MPHOSPH6: variants seen among roughly 807,000 people sequenced by gnomAD.
MPHOSPH6 encodes the protein M-phase phosphoprotein 6.
A neutral mutation model predicts 21.8 loss-of-function variants in MPHOSPH6; 25 were observed. The ratio of observed to expected loss-of-function variants is 1.15; its 90% CI spans 0.83 to 1.60. The LOEUF is 1.60. MPHOSPH6 is among the 40% of genes most tolerant of loss of function. MPHOSPH6 has a pLI of 0.00. For synonymous variants in MPHOSPH6, 84 were observed against 56.5 expected (o/e 1.49, Z -2.18); for missense variants, 269 against 181.8 (o/e 1.48, Z -2.76).
Position 82,166,867 on chromosome 16 carries a change from C to T in MPHOSPH6, c.52-2673G>A, listed in dbSNP as rs1190468881. Among the ~76,000 whole-genome samples the T allele has an allele frequency of 2.0e-5, 3 of 152,106 alleles. No homozygotes were observed. The South Asian group carries it at 6.2e-4, about 32-fold the overall frequency. On this transcript the variant is annotated intron_variant, in intron 1 of 4. Transcript: ENST00000258169. ...CAGCCATATACATATGTTCTGTACA[C>T]ATAGAAAGGACAGAACTCCCTGTGA...
At chr16:82,167,765 G>A (rs7205100) in intron 1 of MPHOSPH6, among the ~76,000 whole-genome samples, 69,672 of 151,804 alleles carry the variant, frequency 0.46, 19,173 homozygotes, top group Non-Finnish European at 0.62. Context: ...GGTAATGCAA[G>A]CTATGGGGAA....
intron 1 of MPHOSPH6, among the ~76,000 whole-genome samples, chr16:82,166,190 T>C (rs1906773409): frequency 6.6e-6 from 1 of 152,200 alleles, no homozygotes; most frequent in African/African-American, 2.4e-5. Flanking sequence ...CCTGTACACT[T>C]TTTGCAACTT....
chr16:82,161,401 T>C (rs930286734), intron 2 of MPHOSPH6, among the ~76,000 whole-genome samples: 2 of 152,186 alleles, frequency 1.3e-5, no homozygotes, highest in Non-Finnish European at 2.9e-5. Flanking sequence ...AACACAAGTA[T>C]AAGATGTACA....
intron 2 of MPHOSPH6, among the ~76,000 whole-genome samples, chr16:82,156,667 C>T (rs1048445144): frequency 2.0e-5 from 3 of 152,124 alleles, no homozygotes; most frequent in African/African-American, 7.2e-5. Flanking sequence ...ATAGAACAAA[C>T]TAGTCTGAAA....
chr16:82,159,151 CCAATA>C (rs1906527123), intron 2 of MPHOSPH6, among the ~76,000 whole-genome samples: 1 of 152,216 alleles, frequency 6.6e-6, no homozygotes, highest in East Asian at 1.9e-4. Context: ...TATACTTCAA[CCAATA>C]CAACATGCTT....
intron 2 of MPHOSPH6, 162 bp downstream of exon 2, chr16:82,163,920 C>T (rs1460503276): frequency 1.8e-6 from 1 of 550,872 alleles, no homozygotes; most frequent in African/African-American, 1.9e-5. Context: ...AATCCATGTA[C>T]AACTTCTATA....
At chr16:82,156,306 C>A (rs933048756) in intron 2 of MPHOSPH6, among the ~76,000 whole-genome samples, 3 of 152,126 alleles carry the variant, frequency 2.0e-5, no homozygotes, top group African/African-American at 7.2e-5. Context: ...TAATGATGTG[C>A]ATGCTGCAAT....
At chr16:82,168,618 G>A (rs567641958) in intron 1 of MPHOSPH6, among the ~76,000 whole-genome samples, 17 of 152,076 alleles carry the variant, frequency 1.1e-4, no homozygotes, top group South Asian at 4.2e-4. Flanking sequence ...CTAAAGGTGC[G>A]TGCCACTAGG....
rs534792097 is a variant in MPHOSPH6 at position 82,158,473 on chromosome 16, T to G, written c.164+5609A>C. ...GAGATCTCGCCACTGCACTCCAGCC[T>G]GGGTGACAGAGCGAGACTCCGTCTC... On this transcript the variant is annotated intron_variant, in intron 2 of 4. Coordinates refer to ENST00000258169, the MANE Select transcript of MPHOSPH6 (RefSeq NM_005792.2). Among the ~76,000 whole-genome samples, 425 of 124,222 alleles carry G rather than the reference T, an allele frequency of 3.4e-3. 2 individuals carry two copies. Among genetic ancestry groups the G allele is most frequent in the African/African-American group, 0.012 (404 of 32,566 alleles). The allele number at this position is 124,222 out of a possible 152,430, so 81.5% of individuals were successfully genotyped here. A position where few individuals can be genotyped will look rare whatever the true frequency, so the allele number is the denominator to read the frequency against.
chr16:82,170,211 G>T lies in MPHOSPH6; in HGVS notation c.-36C>A. ...GCCCAGCGCCGCACTCCGGCCGCGA[G>T]CCTCACCGCACATGCGCGGAGCCGC... On this transcript the variant is annotated 5_prime_UTR_variant, in exon 1 of 5. Transcript: ENST00000258169. The T allele has an allele frequency of 6.4e-7, 1 of 1,565,960 alleles. No homozygotes were observed.
intron 2 of MPHOSPH6, among the ~76,000 whole-genome samples, chr16:82,151,764 C>CATAAT (rs1202173764): frequency 3.3e-5 from 5 of 152,202 alleles, no homozygotes; most frequent in Admixed American, 6.5e-5. Context: ...TAAATATCTA[C>CATAAT]ATAATATAAA....
At chr16:82,164,822 T>C (rs1412619026) in intron 1 of MPHOSPH6, 1 of 152,224 alleles carries the variant, frequency 6.6e-6, no homozygotes, top group Non-Finnish European at 1.5e-5. Flanking sequence ...TTATTTTTCC[T>C]CTGAAATGCT....
In MPHOSPH6 at chr16:82,170,162, C is replaced by T. The variant is rs764958767; in HGVS notation, c.14G>A (p.Arg5Gln). ...TAGATTCTTGGACAACCTTGTCTTT[C>T]GCTCGGCCGCCATGGTAGCTTCCGC... MAAE[R>Q]KTRLSKNLLR... The change falls in exon 1 of 5, where the codon CGA (arginine) becomes CAA (glutamine). Residue 5 changes from arginine to glutamine, a missense_variant. Physicochemically the swap from Arg to Gln is conservative, Grantham distance 43. Coordinates refer to ENST00000258169, the MANE Select transcript of MPHOSPH6 (RefSeq NM_005792.2). 5.6e-6 allele frequency: 9 copies of T among 1,594,606 alleles called. No individual in the cohort carries two copies. Among genetic ancestry groups the T allele is most frequent in the Non-Finnish European group, 6.0e-6 (7 of 1,171,046 alleles).
chr16:82,157,176 A>G (rs1236386784), intron 2 of MPHOSPH6, among the ~76,000 whole-genome samples: 4 of 152,190 alleles, frequency 2.6e-5, no homozygotes, highest in African/African-American at 7.2e-5. Context: ...CACTAGAATA[A>G]AATTAAAAAG....
chr16:82,149,430 C>G, intron 3 of MPHOSPH6, 27 bp from the exon 4 acceptor site: 2 of 1,600,598 alleles, frequency 1.2e-6, no homozygotes, highest in South Asian at 2.2e-5. Context: ...TGCTGACCTT[C>G]AGGCTAGAAA....
rs551794813 is a variant in MPHOSPH6, at chr16:82,149,538, G to A, written c.256-135C>T. On this transcript the variant is annotated intron_variant, in intron 3 of 4. Transcript: ENST00000258169. Reference sequence around the variant, plus strand: ...AGTCAAAATTGATAAGGGACTCTCTGTAATACTTGATACCACAATGGTGTA... The same window carrying A: ...AGTCAAAATTGATAAGGGACTCTCTATAATACTTGATACCACAATGGTGTA... The A allele has an allele frequency of 4.1e-4, 303 of 731,452 alleles. 3 individuals are homozygous for A. The African/African-American group carries it at 4.6e-3, about 11-fold the overall frequency. 45.3% of individuals were successfully genotyped at this position (731,452 alleles called of 1,614,324 possible). A position where few individuals can be genotyped will look rare whatever the true frequency, so the allele number is the denominator to read the frequency against.
At chr16:82,159,610 G>T (rs1025983309) in intron 2 of MPHOSPH6, among the ~76,000 whole-genome samples, 1 of 152,116 alleles carries the variant, frequency 6.6e-6, no homozygotes, top group African/African-American at 2.4e-5. Flanking sequence ...GTTTCACCAT[G>T]TTAACCATGA....
chr16:82,163,422 G>C (rs1186090421), intron 2 of MPHOSPH6, among the ~76,000 whole-genome samples: 1 of 152,220 alleles, frequency 6.6e-6, no homozygotes, highest in Non-Finnish European at 1.5e-5. Flanking sequence ...GCCAAGCTTA[G>C]GGGTGGGCCA....
chr16:82,169,442 G>C lies in MPHOSPH6; in HGVS notation c.51+683C>G, dbSNP rs368903826. Among the ~76,000 whole-genome samples the C allele has an allele frequency of 1.9e-4, 29 of 152,320 alleles. 1 individual carries two copies. Among genetic ancestry groups the C allele is most frequent in the Middle Eastern group, 3.4e-3 (1 of 292 alleles). Reference sequence around the variant, plus strand: ...CCTCTTCTCCCTGGAAGAAGAGGGAGTTCTGCCAGCAGACTGTCTTTGGAC... The same window carrying C: ...CCTCTTCTCCCTGGAAGAAGAGGGACTTCTGCCAGCAGACTGTCTTTGGAC... On this transcript the variant is annotated intron_variant, in intron 1 of 4. Coordinates refer to ENST00000258169, the MANE Select transcript of MPHOSPH6 (RefSeq NM_005792.2).
Sources: allele counts gnomAD v4.1 joint callset (sites outside exome capture counted in the v4.1 genomes callset), GRCh38; gene constraint gnomAD v4.1.1; transcripts MANE v1.5; gene names NCBI Gene and HGNC (gene_info 2026-07-23, HGNC 2026-07-21).